PCBD2: variants seen among roughly 807,000 people sequenced by gnomAD.
The protein encoded by PCBD2 is pterin-4 alpha-carbinolamine dehydratase 2, also known as pterin-4-alpha-carbinolamine dehydratase 2.
In PCBD2, 12 loss-of-function variants were observed where a neutral mutation model predicts 16.4. The observed-to-expected ratio is 0.73, with a 90% CI of 0.47 to 1.19. The LOEUF (loss-of-function observed/expected upper bound fraction) is 1.19, where lower values mean the gene tolerates loss of function less well. Among genes scored for constraint, PCBD2 ranks in the 50% most tolerant of loss-of-function variants. PCBD2 has a pLI of 0.00. For synonymous variants in PCBD2, 58 were observed against 61.8 expected, an observed-to-expected ratio of 0.94 and a Z score of 0.29; for missense variants, 138 against 156.8, an observed-to-expected ratio of 0.88 and a Z score of 0.64.
At chr5:134,937,407 G>A (rs1751172248) in intron 2 of PCBD2, among the ~76,000 whole-genome samples, 1 of 152,156 alleles carries the variant, frequency 6.6e-6, no homozygotes, top group South Asian at 2.1e-4. Context: ...GGTATTCTGA[G>A]ACTAGGTTAT....
chr5:134,935,424 A>G (rs1751147820), intron 2 of PCBD2, among the ~76,000 whole-genome samples: 1 of 152,122 alleles, frequency 6.6e-6, no homozygotes, highest in African/African-American at 2.4e-5. Flanking sequence ...CATCTCCCAC[A>G]TGTTACGATT....
rs1751471680 is a variant in PCBD2 at position 134,961,247 on chromosome 5, C to T, written c.*566C>T. 6.6e-6 allele frequency: 1 copy of T among 151,566 alleles called. No homozygotes were observed. Among genetic ancestry groups the T allele is most frequent in the Non-Finnish European group, 1.5e-5 (1 of 68,002 alleles). 9.4% of individuals were successfully genotyped at this position (151,566 alleles called of 1,614,324 possible). A position where few individuals can be genotyped will look rare whatever the true frequency, so the allele number is the denominator to read the frequency against. ...ATCTAATCATATACCTAAGATAAAC[C>T]AACCCAGTTACTTATATTAATAATA... On this transcript the variant is annotated 3_prime_UTR_variant, in exon 4 of 4. Coordinates refer to ENST00000254908, the MANE Select transcript of PCBD2 (RefSeq NM_032151.5).
chr5:134,954,462 A>T (rs1037427530), intron 2 of PCBD2, among the ~76,000 whole-genome samples: 1 of 152,312 alleles, frequency 6.6e-6, no homozygotes, highest in East Asian at 1.9e-4. Flanking sequence ...GAACTGAATG[A>T]ATATATTGCT....
At chr5:134,925,653 A>G in intron 2 of PCBD2, 3 of 397,526 alleles carry the variant, frequency 7.5e-6, no homozygotes, top group Non-Finnish European at 1.3e-5. Context: ...TTAGTGGGTT[A>G]TTCTCTGCTA....
intron 2 of PCBD2, among the ~76,000 whole-genome samples, chr5:134,934,274 A>T (rs183758350): frequency 0.012 from 1,763 of 143,620 alleles, 29 homozygotes; most frequent in African/African-American, 0.046. Context: ...TAATGATTTT[A>T]AAAAAAAAAA....
At chr5:134,909,517 G>GTCTC (rs1750739196) in intron 1 of PCBD2, among the ~76,000 whole-genome samples, 1 of 152,314 alleles carries the variant, frequency 6.6e-6, no homozygotes, top group Admixed American at 6.5e-5. Flanking sequence ...AAAATAAGCT[G>GTCTC]TCTCTATGGT....
In PCBD2 at chr5:134,905,222, T is replaced by C; in HGVS notation, c.83T>C (p.Met28Thr). The change falls in exon 1 of 4, where the codon ATG (methionine) becomes ACG (threonine). Residue 28 changes from methionine to threonine, a missense_variant and splice_region_variant. Met to Thr is a moderately conservative substitution (Grantham distance 81). Transcript: ENST00000254908. ...GGCCAGAGCCTAGGGCTAGCGGCCATGGTGAGTGCACAGCGGCCGCGTGGG... is the reference window on the plus strand; with the variant it reads ...GGCCAGAGCCTAGGGCTAGCGGCCACGGTGAGTGCACAGCGGCCGCGTGGG... ...LRGQSLGLAA[M>T]SSGTHRLTAE... The C allele has an allele frequency of 1.6e-6, 2 of 1,215,964 alleles. No homozygotes were observed. Among genetic ancestry groups the C allele is most frequent in the Non-Finnish European group, 2.0e-6 (2 of 980,230 alleles). 75.3% of individuals were successfully genotyped at this position (1,215,964 alleles called of 1,614,324 possible). A position where few individuals can be genotyped will look rare whatever the true frequency, so the allele number is the denominator to read the frequency against.
At chr5:134,948,560 G>C (rs576044567) in intron 2 of PCBD2, among the ~76,000 whole-genome samples, 1 of 152,070 alleles carries the variant, frequency 6.6e-6, no homozygotes, top group Non-Finnish European at 1.5e-5. Context: ...CTGATGTATT[G>C]AAAGTCCTAA....
chr5:134,923,974 T>C (rs2149532764), intron 2 of PCBD2: 1 of 394,432 alleles, frequency 2.5e-6, no homozygotes, highest in African/African-American at 2.1e-5. Context: ...GCGGAGATAT[T>C]GGATGGGGTG....
chr5:134,918,164 C>T (rs919004595), intron 2 of PCBD2, among the ~76,000 whole-genome samples: 1 of 152,178 alleles, frequency 6.6e-6, no homozygotes, highest in Non-Finnish European at 1.5e-5. Context: ...GATAGGGAAG[C>T]ACTCCCAAAG....
At chr5:134,921,168 C>T (rs540219951) in intron 2 of PCBD2, among the ~76,000 whole-genome samples, 3 of 152,328 alleles carry the variant, frequency 2.0e-5, no homozygotes, top group Admixed American at 6.5e-5. Context: ...GGTCTGGATC[C>T]AAGAGGTGGA....
At position 134,952,807 on chromosome 5, in the gene PCBD2, TA is replaced by T. The variant is rs565332391; in HGVS notation, c.217-6217del. On this transcript the variant is annotated intron_variant, in intron 2 of 3. Transcript: ENST00000254908. ...GGAGATAGAGCGAGACCCTGTCTCT[TA>T]AAAAAAAAAAAAAAAGTTAATTAAA... Among the ~76,000 whole-genome samples, 880 of 139,364 alleles carry T rather than the reference TA, an allele frequency of 6.3e-3. 1 individual carries two copies. The highest frequency in any genetic ancestry group is 7.3e-3 in the Middle Eastern group (2 of 274). 91.4% of individuals were successfully genotyped at this position (139,364 alleles called of 152,430 possible).
At chr5:134,940,923 C>T (rs1055990800) in intron 2 of PCBD2, among the ~76,000 whole-genome samples, 8 of 152,042 alleles carry the variant, frequency 5.3e-5, no homozygotes, top group South Asian at 2.1e-4. Flanking sequence ...AGGTCGAGAC[C>T]ATCCTGGCCA....
intron 2 of PCBD2, among the ~76,000 whole-genome samples, chr5:134,951,396 G>A (rs1398929194): frequency 1.3e-5 from 2 of 152,066 alleles, no homozygotes; most frequent in Non-Finnish European, 2.9e-5. Context: ...GTGTGTAAAT[G>A]TACCATAATC....
intron 3 of PCBD2, among the ~76,000 whole-genome samples, chr5:134,960,359 T>C (rs187583875): frequency 5.3e-5 from 8 of 152,324 alleles, no homozygotes; most frequent in Non-Finnish European, 7.3e-5. Flanking sequence ...AAGAGAACTT[T>C]TTATTTCAAG....
At chr5:134,946,679 A>G (rs1254665275) in intron 2 of PCBD2, among the ~76,000 whole-genome samples, 1 of 152,232 alleles carries the variant, frequency 6.6e-6, no homozygotes, top group Admixed American at 6.5e-5. Context: ...CAAAATGTGT[A>G]CTGCTTATAG....
intron 2 of PCBD2, chr5:134,924,857 G>C (rs1344667536): frequency 2.6e-6 from 1 of 390,828 alleles, no homozygotes; most frequent in East Asian, 3.6e-5. Flanking sequence ...GGGACTGTGC[G>C]GTGTATGATA....
In PCBD2 at chr5:134,961,010, CT is replaced by C. The variant is rs1280155734; in HGVS notation, c.*330del. 1 of 176,948 alleles carries C rather than the reference CT, an allele frequency of 5.7e-6. No homozygotes were observed. Among genetic ancestry groups the C allele is most frequent in the Non-Finnish European group, 1.2e-5 (1 of 83,852 alleles). The allele number at this position is 176,948 out of a possible 1,614,324, so 11.0% of individuals were successfully genotyped here. A position where few individuals can be genotyped will look rare whatever the true frequency, so the allele number is the denominator to read the frequency against. On this transcript the variant is annotated 3_prime_UTR_variant, in exon 4 of 4. Transcript: ENST00000254908. The stretch of plus-strand genomic sequence containing the variant: ...TCGAACTCCTGACCTCGTGATCCGC[CT>C]GCCTCAGCCTCCCAAAGTGCTGGGA...
At chr5:134,959,657 T>C (rs1751453348) in intron 3 of PCBD2, among the ~76,000 whole-genome samples, 2 of 152,134 alleles carry the variant, frequency 1.3e-5, no homozygotes, top group Admixed American at 1.3e-4. Flanking sequence ...TGAAATGTCT[T>C]ATCATCTAGA....
Sources: gnomAD v4.1 joint callset for allele counts (sites outside exome capture counted in the v4.1 genomes callset) on GRCh38, gnomAD v4.1.1 for gene constraint, MANE v1.5 for transcripts, NCBI Gene and HGNC (gene_info 2026-07-23, HGNC 2026-07-21) for gene names.